The following ZBTB43 variants were observed in gnomAD, a reference collection of about 807,000 sequenced individuals.
ZBTB43 encodes zinc finger and BTB domain-containing protein 43.
ZBTB43 carries 6 observed loss-of-function variants against 31.1 expected under a neutral mutation model. That is an observed-to-expected ratio of 0.19 (90% CI 0.11 to 0.38). The LOEUF (loss-of-function observed/expected upper bound fraction) is 0.38. Among genes scored for constraint, ZBTB43 ranks in the 10% least tolerant of loss-of-function variants. The probability of loss-of-function intolerance (pLI) is 1.00; values close to 1 mark genes in which losing one functional copy is unlikely to be tolerated. For synonymous variants in ZBTB43, 212 were observed against 221.7 expected (o/e 0.96, Z 0.39); for missense variants, 379 against 602.1 (o/e 0.63, Z 3.88).
chr9:126,804,175 C>G (rs1193021732), upstream of ZBTB43, among the ~76,000 whole-genome samples: 1 of 151,868 alleles, frequency 6.6e-6, no homozygotes, highest in African/African-American at 2.4e-5. Context: ...CATGGGGGGG[C>G]AGTGGGGAAG....
intron 1 of ZBTB43, among the ~76,000 whole-genome samples, chr9:126,805,431 GC>G (rs2119097835): frequency 6.6e-6 from 1 of 151,688 alleles, no homozygotes; most frequent in South Asian, 2.1e-4. Flanking sequence ...TAGAGATCCC[GC>G]CCCCGTCCGT....
chr9:126,833,566 A>G lies in ZBTB43; in HGVS notation c.1057A>G (p.Met353Val), dbSNP rs1478995170. The G allele has an allele frequency of 1.7e-5, 27 of 1,614,106 alleles. No homozygotes were observed. Among genetic ancestry groups the G allele is most frequent in the Non-Finnish European group, 2.1e-5 (25 of 1,179,976 alleles). The change falls in exon 3 of 3, where the codon ATG becomes GTG. Residue 353 changes from methionine to valine, a missense_variant. By Grantham distance (21) the Met-to-Val change is conservative. Around this residue, in one of 5 missense-constraint regions of ZBTB43, gnomAD observed 253 missense variants for 322.3 expected, o/e 0.79. Coordinates refer to ENST00000373464, the MANE Select transcript of ZBTB43 (RefSeq NM_014007.4). This position sits in a 1 kb window ranked among gnomAD's most constrained non-coding sequence, Gnocchi z 7.9. ...AGCAGGTTACAGTGAGAATATTGAA[A>G]TGGTAACAGGGATTAAAGAAGAAGC... ...LAAGYSENIEMVTGIKEEASH... is the reference protein window; with the variant it reads ...LAAGYSENIEVVTGIKEEASH...
At chr9:126,825,599 C>G (rs2032613184) in intron 2 of ZBTB43, among the ~76,000 whole-genome samples, 1 of 152,102 alleles carries the variant, frequency 6.6e-6, no homozygotes, top group Non-Finnish European at 1.5e-5. Context: ...CCTAGTGTCT[C>G]TGTGTGTGTC....
intron 2 of ZBTB43, among the ~76,000 whole-genome samples, chr9:126,812,041 T>C (rs2032262437): frequency 6.6e-6 from 1 of 152,206 alleles, no homozygotes; most frequent in African/African-American, 2.4e-5. Flanking sequence ...TTTAGAACTT[T>C]TGTCTCCCCT....
Position 126,834,001 on chromosome 9 carries a change from C to G in ZBTB43, c.*88C>G. 7.7e-7 allele frequency: 1 copy of G among 1,298,902 alleles called. No individual in the cohort carries two copies. Among genetic ancestry groups the G allele is most frequent in the East Asian group, 2.4e-5 (1 of 41,994 alleles). The allele number at this position is 1,298,902 out of a possible 1,614,324, so 80.5% of individuals were successfully genotyped here. On this transcript the variant is annotated 3_prime_UTR_variant, in exon 3 of 3. Coordinates refer to ENST00000373464, the MANE Select transcript of ZBTB43 (RefSeq NM_014007.4). Reference sequence around the variant, plus strand: ...GGGCACAGATGATGCGTGCTACTTGCTATTATGAGAGAAGCTTAAAAAAAA... The same window carrying G: ...GGGCACAGATGATGCGTGCTACTTGGTATTATGAGAGAAGCTTAAAAAAAA...
intron 2 of ZBTB43, among the ~76,000 whole-genome samples, chr9:126,826,157 G>T (rs929082299): frequency 6.6e-6 from 1 of 151,782 alleles, no homozygotes; most frequent in Non-Finnish European, 1.5e-5. Flanking sequence ...GGTATTACAG[G>T]CGCCCACCAC....
chr9:126,820,215 T>G (rs2032479797), intron 2 of ZBTB43, among the ~76,000 whole-genome samples: 1 of 152,238 alleles, frequency 6.6e-6, no homozygotes, highest in African/African-American at 2.4e-5. Flanking sequence ...TGAAAAAGCC[T>G]TCTATTGGAA....
chr9:126,837,465 G>T lies in ZBTB43; in HGVS notation c.*3552G>T. The T allele has an allele frequency of 6.0e-6, 1 of 167,284 alleles. No homozygotes were observed. 10.4% of individuals were successfully genotyped at this position (167,284 alleles called of 1,614,324 possible). A position where few individuals can be genotyped will look rare whatever the true frequency, so the allele number is the denominator to read the frequency against. ...TGAGAGGCTCACACACCCCCAAGCT[G>T]CTGTGGAGTGAATTTGAGACGGAGC... On this transcript the variant is annotated 3_prime_UTR_variant, in exon 3 of 3. Transcript: ENST00000373464.
intron 2 of ZBTB43, among the ~76,000 whole-genome samples, chr9:126,813,273 C>A (rs953645459): frequency 2.0e-5 from 3 of 152,134 alleles, no homozygotes; most frequent in Admixed American, 6.5e-5. Context: ...AGCCACCATG[C>A]CTGGCCCCAC....
chr9:126,809,953 G>C (rs1047352715), intron 2 of ZBTB43, among the ~76,000 whole-genome samples: 1 of 150,882 alleles, frequency 6.6e-6, no homozygotes, highest in Non-Finnish European at 1.5e-5. Context: ...CTCTGCCTCA[G>C]CCTTCAGAGT....
At chr9:126,815,400 A>C (rs957662192) in intron 2 of ZBTB43, among the ~76,000 whole-genome samples, 1 of 149,336 alleles carries the variant, frequency 6.7e-6, no homozygotes, top group Non-Finnish European at 1.5e-5. Flanking sequence ...ATAGCTTATC[A>C]CATAAAACTT....
In ZBTB43 at chr9:126,828,650, TAA is replaced by T. The variant is rs1564206255; in HGVS notation, c.-23-3836_-23-3835del. Among the ~76,000 whole-genome samples, 1,035 of 142,850 alleles carry T rather than the reference TAA, an allele frequency of 7.2e-3. 11 individuals are homozygous for T. Among genetic ancestry groups the T allele is most frequent in the African/African-American group, 0.024 (951 of 38,886 alleles). 93.7% of individuals were successfully genotyped at this position (142,850 alleles called of 152,430 possible). A position where few individuals can be genotyped will look rare whatever the true frequency, so the allele number is the denominator to read the frequency against. On this transcript the variant is annotated intron_variant, in intron 2 of 2. Coordinates refer to ENST00000373464, the MANE Select transcript of ZBTB43 (RefSeq NM_014007.4). ...CTCTAAATAATAATAATAATAATAA[TAA>T]TAATTATTATTATTATTATTATTAT...
upstream of ZBTB43, among the ~76,000 whole-genome samples, chr9:126,804,468 G>A (rs1215947335): frequency 2.0e-5 from 3 of 150,860 alleles, no homozygotes; most frequent in Non-Finnish European, 2.9e-5. Context: ...AGAAGGTCAA[G>A]GTGTTTTTGT....
At chr9:126,832,420 T>C in intron 2 of ZBTB43, 67 bp from the exon 3 acceptor site, 1 of 1,423,908 alleles carries the variant, frequency 7.0e-7, no homozygotes, top group South Asian at 1.4e-5. Context: ...GTCTTAACAA[T>C]GGAGGAGGGG....
chr9:126,830,830 G>A (rs1347829752), intron 2 of ZBTB43, among the ~76,000 whole-genome samples: 3 of 151,830 alleles, frequency 2.0e-5, no homozygotes, highest in Non-Finnish European at 4.4e-5. Flanking sequence ...GCCATTGTTA[G>A]GAATTGTTTC....
chr9:126,828,541 C>T (rs1490902045), intron 2 of ZBTB43, among the ~76,000 whole-genome samples: 1 of 149,774 alleles, frequency 6.7e-6, no homozygotes, highest in Admixed American at 6.6e-5. Context: ...ACCTGTAGCC[C>T]CAGCACTCTG....
At chr9:126,820,410 C>T (rs542833434) in intron 2 of ZBTB43, among the ~76,000 whole-genome samples, 4 of 152,306 alleles carry the variant, frequency 2.6e-5, no homozygotes, top group African/African-American at 9.6e-5. Context: ...TCTGCCTGTG[C>T]TCCATAGATG....
At chr9:126,809,924 C>T (rs2032205575) in intron 2 of ZBTB43, among the ~76,000 whole-genome samples, 2 of 151,896 alleles carry the variant, frequency 1.3e-5, no homozygotes, top group Admixed American at 6.6e-5. Flanking sequence ...CAAGCTCCAC[C>T]TCCCAGGCTC....
intron 2 of ZBTB43, among the ~76,000 whole-genome samples, chr9:126,814,923 C>T (rs2032342524): frequency 7.3e-6 from 1 of 137,446 alleles, no homozygotes; most frequent in Non-Finnish European, 1.5e-5. Flanking sequence ...TTAAAATGGT[C>T]TCCTGTCTCC....
Sources: allele counts gnomAD v4.1 joint callset (sites outside exome capture counted in the v4.1 genomes callset), GRCh38; gene constraint gnomAD v4.1.1; regional missense constraint gnomAD v4.1.1; non-coding constraint Gnocchi (gnomAD v3.1); transcripts MANE v1.5; gene names NCBI Gene and HGNC (gene_info 2026-07-23, HGNC 2026-07-21).